Variants in TXNDC16 observed in about 807,000 individuals in gnomAD.
TXNDC16 encodes thioredoxin domain containing 16.
TXNDC16 carries 74 observed loss-of-function variants against 85.6 expected under a neutral mutation model. That is an observed-to-expected ratio of 0.86 (90% CI 0.72 to 1.05). The LOEUF is 1.05. TXNDC16 is among the 50% of genes least tolerant of loss of function. TXNDC16 has a pLI of 0.00. For missense variants in TXNDC16, 959 were observed against 947.0 expected, an observed-to-expected ratio of 1.01 and a Z score of -0.17; for synonymous variants, 335 against 326.5, an observed-to-expected ratio of 1.03 and a Z score of -0.28.
chr14:52,507,608 C>T (rs962477361), intron 9 of TXNDC16, among the ~76,000 whole-genome samples: 12 of 152,296 alleles, frequency 7.9e-5, no homozygotes, highest in African/African-American at 2.9e-4. Context: ...ATTGCCAAGT[C>T]AATCCTAAGT....
At position 52,514,661 on chromosome 14, in the gene TXNDC16, T is replaced by TA. The variant is rs372742502; in HGVS notation, c.605+218dup. On this transcript the variant is annotated intron_variant, in intron 8 of 20. Transcript: ENST00000281741. ...TGTGGCTTATCCACACTGCCTTCGT[T>TA]ACCTTAGTCTAACATCACTTCGGTA... is the stretch of plus-strand genomic sequence containing the variant. Among the ~76,000 whole-genome samples, 36 of 152,250 alleles carry TA rather than the reference T, an allele frequency of 2.4e-4. 1 individual carries two copies. Among genetic ancestry groups the TA allele is most frequent in the African/African-American group, 8.2e-4 (34 of 41,548 alleles).
Position 52,537,672 on chromosome 14 carries a change from C to T in TXNDC16, c.244G>A (p.Val82Ile). 1.9e-6 allele frequency: 3 copies of T among 1,557,944 alleles called. No homozygotes were observed. The highest frequency in any genetic ancestry group is 2.6e-6 in the Non-Finnish European group (3 of 1,132,536). Residue 82 changes from valine (V) to isoleucine (I), a missense_variant and splice_region_variant, in exon 5 of 21, where the codon GTT (valine) becomes ATT (isoleucine). Coordinates refer to ENST00000281741, the MANE Select transcript of TXNDC16 (RefSeq NM_020784.3). ...GATATTTCTTCTTTGACACAATTAA[C>T]CTTTAAAAGAGTATACTTAAGTTTT... ...LQDYGISVAK[V>I]NCVKEEISRY...
At chr14:52,521,111 G>A (rs1455802332) in intron 6 of TXNDC16, among the ~76,000 whole-genome samples, 1 of 151,542 alleles carries the variant, frequency 6.6e-6, no homozygotes, top group African/African-American at 2.4e-5. Context: ...TGAGAAGAAT[G>A]GTGTTTTACT....
At chr14:52,451,265 A>T (rs2035405668) in intron 18 of TXNDC16, among the ~76,000 whole-genome samples, 1 of 146,840 alleles carries the variant, frequency 6.8e-6, no homozygotes, top group African/African-American at 2.5e-5. Flanking sequence ...TTGAAATTTA[A>T]AAAAAAAAAA....
Position 52,440,578 on chromosome 14 carries a change from T to C in TXNDC16, c.1989A>G (p.Pro663=). Residue 663 remains proline (P), a synonymous_variant, in exon 19 of 21, where the codon CCA becomes CCG. Transcript: ENST00000281741. ...CACATACTTACAGATTTAACCAGCA[T>C]GGAGTAAATGAATCCAAGTATTTCT... ...VKQKYLDSFT[P]CWLNLKNTPV... 6.2e-7 allele frequency: 1 copy of C among 1,601,172 alleles called. No individual in the cohort carries two copies.
chr14:52,493,618 G>A (rs1308180762), intron 9 of TXNDC16, among the ~76,000 whole-genome samples: 1 of 152,076 alleles, frequency 6.6e-6, no homozygotes, highest in Non-Finnish European at 1.5e-5. Flanking sequence ...CACAGAAAAA[G>A]AGAAGGGAGA....
At chr14:52,434,935 C>T (rs780603999) in intron 20 of TXNDC16, among the ~76,000 whole-genome samples, 2 of 152,186 alleles carry the variant, frequency 1.3e-5, no homozygotes, top group Non-Finnish European at 2.9e-5. Context: ...AGAAGACACG[C>T]CAGTCTCTCA....
chr14:52,483,479 G>C (rs2036195853), intron 12 of TXNDC16, among the ~76,000 whole-genome samples: 1 of 152,198 alleles, frequency 6.6e-6, no homozygotes, highest in Non-Finnish European at 1.5e-5. Context: ...ATCAAGAAAA[G>C]AATGTTTTAG....
chr14:52,456,940 G>A (rs2035548158), intron 17 of TXNDC16, 150 bp downstream of exon 17: 3 of 555,550 alleles, frequency 5.4e-6, no homozygotes, highest in Non-Finnish European at 9.4e-6. Flanking sequence ...GTATTTCCCA[G>A]GTACTTTATT....
intron 18 of TXNDC16, among the ~76,000 whole-genome samples, chr14:52,445,000 G>GT (rs1045369840): frequency 6.6e-6 from 1 of 152,080 alleles, no homozygotes; most frequent in African/African-American, 2.4e-5. Context: ...ATTAAAATGT[G>GT]TATCTATAGT....
At chr14:52,513,429 C>T (rs954436823) in intron 8 of TXNDC16, among the ~76,000 whole-genome samples, 6 of 152,106 alleles carry the variant, frequency 3.9e-5, no homozygotes, top group African/African-American at 1.2e-4. Flanking sequence ...ATAGTCTTTC[C>T]CTGTCACCTC....
intron 9 of TXNDC16, among the ~76,000 whole-genome samples, chr14:52,500,339 T>C (rs1009048078): frequency 2.0e-5 from 3 of 152,184 alleles, no homozygotes; most frequent in African/African-American, 7.2e-5. Context: ...TTATTCTAAG[T>C]GAAATAAGCC....
chr14:52,451,342 A>G (rs113550929), intron 18 of TXNDC16, among the ~76,000 whole-genome samples: 1 of 152,122 alleles, frequency 6.6e-6, no homozygotes, highest in African/African-American at 2.4e-5. Context: ...TTCCAAACTC[A>G]TTCTACAAAG....
chr14:52,483,509 C>A (rs543334314), intron 12 of TXNDC16, among the ~76,000 whole-genome samples: 28 of 152,218 alleles, frequency 1.8e-4, no homozygotes, highest in African/African-American at 6.7e-4. Context: ...ATAACATATA[C>A]GAAAGCTCTG....
At chr14:52,505,409 A>C (rs1485290541) in intron 9 of TXNDC16, among the ~76,000 whole-genome samples, 1 of 152,226 alleles carries the variant, frequency 6.6e-6, no homozygotes, top group Non-Finnish European at 1.5e-5. Context: ...AGGATTCAGA[A>C]ACTCATTCAA....
intron 12 of TXNDC16, among the ~76,000 whole-genome samples, chr14:52,488,102 T>C (rs909720654): frequency 6.6e-6 from 1 of 152,228 alleles, no homozygotes; most frequent in Non-Finnish European, 1.5e-5. Context: ...AGAACTGATA[T>C]GGAAGATGAA....
chr14:52,432,819 T>G (rs1257336273), intron 20 of TXNDC16, among the ~76,000 whole-genome samples: 1 of 152,204 alleles, frequency 6.6e-6, no homozygotes, highest in Admixed American at 6.5e-5. Context: ...AGCTATTATT[T>G]TCTTTAAAAA....
intron 1 of TXNDC16, among the ~76,000 whole-genome samples, chr14:52,547,913 C>A (rs957980324): frequency 2.6e-5 from 4 of 152,220 alleles, no homozygotes; most frequent in Non-Finnish European, 5.9e-5. Flanking sequence ...GTTTCTAGTT[C>A]TCTGCACGTT....
intron 9 of TXNDC16, among the ~76,000 whole-genome samples, chr14:52,497,655 G>A (rs1028856547): frequency 1.4e-4 from 22 of 152,186 alleles, no homozygotes; most frequent in Admixed American, 4.6e-4. Context: ...TGAGGCGGGC[G>A]GATTGCCTGA....
Sources: gnomAD v4.1 joint callset for allele counts (sites outside exome capture counted in the v4.1 genomes callset) on GRCh38, gnomAD v4.1.1 for gene constraint, MANE v1.5 for transcripts, NCBI Gene and HGNC (gene_info 2026-07-23, HGNC 2026-07-21) for gene names.